Variants in AP4S1 observed in about 807,000 individuals in gnomAD.
The protein encoded by AP4S1 is adaptor related protein complex 4 subunit sigma 1.
Under a neutral mutation model 19.8 loss-of-function variants are expected in AP4S1, and 23 were observed. The ratio of observed to expected loss-of-function variants is 1.16; its 90% CI spans 0.84 to 1.65. The LOEUF is 1.65. AP4S1 is among the 40% of genes most tolerant of loss of function. AP4S1 has a pLI of 0.00. For missense variants in AP4S1, 166 were observed against 172.8 expected (o/e 0.96, Z 0.22); for synonymous variants, 46 against 54.1 (o/e 0.85, Z 0.66).
chr14:31,057,528 T>C (rs1566526313), intron 1 of AP4S1, among the ~76,000 whole-genome samples: 2 of 152,240 alleles, frequency 1.3e-5, no homozygotes, highest in Admixed American at 1.3e-4. Context: ...CTTCAATCTC[T>C]CTTTTCTCTG....
chr14:31,063,479 A>T (rs1886551142), intron 1 of AP4S1, among the ~76,000 whole-genome samples: 1 of 152,056 alleles, frequency 6.6e-6, no homozygotes, highest in Non-Finnish European at 1.5e-5. Context: ...GCATAGTGAC[A>T]TGTATCTGTA....
At chr14:31,036,744 G>A (rs1404538262) in intron 1 of AP4S1, among the ~76,000 whole-genome samples, 1 of 152,132 alleles carries the variant, frequency 6.6e-6, no homozygotes, top group East Asian at 1.9e-4. Context: ...CACTTCTAGT[G>A]GGGCTCCTTT....
intron 1 of AP4S1, chr14:31,026,523 T>G: frequency 2.1e-5 from 5 of 236,836 alleles, no homozygotes; most frequent in Non-Finnish European, 2.4e-5. Context: ...AATCGCCAAA[T>G]AGAGTCCGGC....
intron 5 of AP4S1, among the ~76,000 whole-genome samples, chr14:31,091,339 T>G (rs142913781): frequency 3.9e-5 from 6 of 152,160 alleles, no homozygotes; most frequent in Non-Finnish European, 8.8e-5. Context: ...CACCTGTGCT[T>G]CTTAGCTCTG....
chr14:31,035,337 A>G (rs1210480314), intron 1 of AP4S1, among the ~76,000 whole-genome samples: 1 of 150,408 alleles, frequency 6.6e-6, no homozygotes, highest in Admixed American at 6.7e-5. Flanking sequence ...TGGGATTACA[A>G]GCACACGCCG....
chr14:31,073,667 G>A (rs1287822274), intron 4 of AP4S1, among the ~76,000 whole-genome samples: 3 of 150,526 alleles, frequency 2.0e-5, no homozygotes, highest in Non-Finnish European at 3.0e-5. Context: ...GCAGTGACGC[G>A]ATCTCAGCTC....
rs74042117 is a variant in AP4S1 at position 31,032,255 on chromosome 14, G to A, written c.-72+6468G>A. Among the ~76,000 whole-genome samples, 581 of 152,146 alleles carry A rather than the reference G, an allele frequency of 3.8e-3. 2 individuals are homozygous for A. The highest frequency in any genetic ancestry group is 0.013 in the African/African-American group (544 of 41,520). On this transcript the variant is annotated intron_variant, in intron 1 of 5. Transcript: ENST00000542754. ...AAAATTAGCCAGGCATGGTGCAGGC[G>A]TCACCTTTGAAACTTCCTAAATAGG...
At chr14:31,084,688 A>G (rs1887834084) in intron 5 of AP4S1, 2 of 1,596,346 alleles carry the variant, frequency 1.3e-6, no homozygotes, top group African/African-American at 1.3e-5. Flanking sequence ...GCCTGTTTCT[A>G]CAGGGAGACT....
intron 5 of AP4S1, among the ~76,000 whole-genome samples, chr14:31,082,710 C>G (rs1003770409): frequency 1.3e-5 from 2 of 151,856 alleles, no homozygotes; most frequent in Admixed American, 1.3e-4. Flanking sequence ...TCCTGGCTAA[C>G]AAGGTGAAAC....
rs569713774 is a variant in AP4S1, at chr14:31,090,020, A to C, written c.307-2887A>C. 9.2e-5 allele frequency among the ~76,000 whole-genome samples: 14 copies of C among 152,216 alleles called. No homozygotes were observed. The South Asian group carries it at 2.9e-3, about 32-fold the overall frequency. Reference sequence around the variant, plus strand: ...TTTATTTATTCTGAGACAGAGTCTTACTCTGTTGCCCAGACTGGAGTGCAG... The same window carrying C: ...TTTATTTATTCTGAGACAGAGTCTTCCTCTGTTGCCCAGACTGGAGTGCAG... On this transcript the variant is annotated intron_variant, in intron 5 of 5. Coordinates refer to ENST00000542754, the MANE Select transcript of AP4S1 (RefSeq NM_001128126.3).
chr14:31,040,854 T>C (rs1017421194), intron 1 of AP4S1, among the ~76,000 whole-genome samples: 15 of 151,940 alleles, frequency 9.9e-5, no homozygotes, highest in Non-Finnish European at 1.9e-4. Context: ...GGATATCTAA[T>C]AAGAATTTAA....
At chr14:31,058,017 A>G (rs984027875) in intron 1 of AP4S1, among the ~76,000 whole-genome samples, 13 of 151,800 alleles carry the variant, frequency 8.6e-5, no homozygotes, top group African/African-American at 2.9e-4. Flanking sequence ...GTAGCCTAGA[A>G]TTCCTGATCT....
At chr14:31,066,047 TTATC>T (rs1288199564) in intron 1 of AP4S1, 75 bp from the exon 2 acceptor site, 2 of 683,704 alleles carry the variant, frequency 2.9e-6, no homozygotes, top group Non-Finnish European at 4.9e-6. Flanking sequence ...TATTTACTGT[TTATC>T]TATAAAAACA....
intron 4 of AP4S1, among the ~76,000 whole-genome samples, chr14:31,076,292 T>C (rs59788315): frequency 0.014 from 2,135 of 152,270 alleles, 52 homozygotes; most frequent in African/African-American, 0.049. Context: ...GGTTTCAATT[T>C]CTCCACATCC....
At chr14:31,032,696 C>T (rs193284165) in intron 1 of AP4S1, among the ~76,000 whole-genome samples, 12 of 152,030 alleles carry the variant, frequency 7.9e-5, no homozygotes, top group African/African-American at 1.9e-4. Context: ...CCACCATGAC[C>T]GGCTAATTTT....
chr14:31,026,132 G>C, intron 1 of AP4S1: 1 of 1,498,214 alleles, frequency 6.7e-7, no homozygotes, highest in South Asian at 1.3e-5. Context: ...GCTGCTGCCG[G>C]GGAGGGGCCG....
At chr14:31,088,037 G>A (rs1490381321) in intron 5 of AP4S1, among the ~76,000 whole-genome samples, 2 of 152,196 alleles carry the variant, frequency 1.3e-5, no homozygotes, top group Non-Finnish European at 1.5e-5. Flanking sequence ...GGGACCCAGG[G>A]CCTTCTCCAG....
chr14:31,078,183 C>G (rs1485463253), intron 4 of AP4S1, among the ~76,000 whole-genome samples: 1 of 152,112 alleles, frequency 6.6e-6, no homozygotes, highest in East Asian at 1.9e-4. Flanking sequence ...GCCTTGGGGA[C>G]AGAGGACATG....
intron 1 of AP4S1, among the ~76,000 whole-genome samples, chr14:31,061,912 G>A (rs965757932): frequency 3.9e-5 from 6 of 152,004 alleles, no homozygotes; most frequent in African/African-American, 1.2e-4. Flanking sequence ...ATTCGGTGCT[G>A]GGATTACAGG....
Sources: allele counts gnomAD v4.1 joint callset (sites outside exome capture counted in the v4.1 genomes callset), GRCh38; gene constraint gnomAD v4.1.1; transcripts MANE v1.5; gene names NCBI Gene and HGNC (gene_info 2026-07-23, HGNC 2026-07-21).